RUFY2: variants seen among roughly 807,000 people sequenced by gnomAD.
RUFY2 encodes the protein RUN and FYVE domain-containing protein 2.
RUFY2 carries 49 observed loss-of-function variants against 94.4 expected under a neutral mutation model. The ratio of observed to expected loss-of-function variants is 0.52; its 90% CI spans 0.41 to 0.66. The LOEUF (loss-of-function observed/expected upper bound fraction) is 0.66. Ranked by LOEUF, RUFY2 falls within the 30% of genes least tolerant of loss-of-function variation. The probability of loss-of-function intolerance (pLI) is 0.00; values close to 1 mark genes in which losing one functional copy is unlikely to be tolerated. For synonymous variants in RUFY2, 255 were observed against 235.7 expected (o/e 1.08, Z -0.75); for missense variants, 541 against 692.8 (o/e 0.78, Z 2.46).
chr10:68,372,583 TAAA>T (rs770098226), intron 13 of RUFY2, among the ~76,000 whole-genome samples: 3 of 96,360 alleles, frequency 3.1e-5, no homozygotes, highest in African/African-American at 4.1e-5. Context: ...CCTCTCTCTT[TAAA>T]AAAAAAAAAA....
At chr10:68,377,546 GT>G in intron 12 of RUFY2, 1 of 985,326 alleles carries the variant, frequency 1.0e-6, no homozygotes, top group Non-Finnish European at 1.2e-6. Flanking sequence ...GTGCATATAT[GT>G]TTAAGATTCA....
At chr10:68,383,524 G>A (rs2049253246) in intron 10 of RUFY2, among the ~76,000 whole-genome samples, 1 of 151,730 alleles carries the variant, frequency 6.6e-6, no homozygotes, top group African/African-American at 2.4e-5. Flanking sequence ...GGAGGCTGAG[G>A]TACAAGAATC....
chr10:68,388,400 T>A (rs998835496), intron 7 of RUFY2, among the ~76,000 whole-genome samples: 2 of 151,980 alleles, frequency 1.3e-5, no homozygotes, highest in Non-Finnish European at 2.9e-5. Context: ...GAGGTGGAGG[T>A]TGCAATGAGC....
At chr10:68,363,544 A>T (rs1041495939) in intron 15 of RUFY2, 46 bp downstream of exon 15, 1 of 1,260,388 alleles carries the variant, frequency 7.9e-7, no homozygotes, top group African/African-American at 1.5e-5. Context: ...TATACCTTTT[A>T]TAAAAGTCAA....
intron 16 of RUFY2, among the ~76,000 whole-genome samples, chr10:68,350,312 A>G (rs1380834413): frequency 1.3e-5 from 2 of 152,156 alleles, no homozygotes; most frequent in African/African-American, 2.4e-5. Context: ...TGCTTGGCCT[A>G]ATCAAGGCTT....
At chr10:68,381,791 T>C (rs1017548308) in intron 10 of RUFY2, among the ~76,000 whole-genome samples, 1 of 152,202 alleles carries the variant, frequency 6.6e-6, no homozygotes, top group Non-Finnish European at 1.5e-5. Flanking sequence ...AAGGTTGCAG[T>C]GAGCTGAAAT....
intron 16 of RUFY2, 134 bp downstream of exon 16, chr10:68,355,219 G>A (rs12253473): frequency 1.7e-6 from 1 of 594,080 alleles, no homozygotes; most frequent in Non-Finnish European, 3.0e-6. Context: ...TGAACCCCCA[G>A]CATCCAAGCT....
chr10:68,405,203 C>G (rs1019081796), intron 1 of RUFY2, among the ~76,000 whole-genome samples: 8 of 151,656 alleles, frequency 5.3e-5, no homozygotes, highest in African/African-American at 1.9e-4. Flanking sequence ...GTCCCAGCTA[C>G]TCGGGAGGCT....
At chr10:68,378,000 A>G (rs1276570953) in intron 12 of RUFY2, 1 of 985,420 alleles carries the variant, frequency 1.0e-6, no homozygotes, top group African/African-American at 1.7e-5. Flanking sequence ...ATTGGACCCA[A>G]GCTTTTCTCT....
At chr10:68,361,847 C>T (rs1165473109) in intron 15 of RUFY2, among the ~76,000 whole-genome samples, 1 of 152,170 alleles carries the variant, frequency 6.6e-6, no homozygotes, top group Non-Finnish European at 1.5e-5. Context: ...GATGTTTACA[C>T]ATAGAATTGT....
intron 15 of RUFY2, among the ~76,000 whole-genome samples, chr10:68,363,337 C>T (rs532420344): frequency 5.9e-5 from 9 of 152,218 alleles, no homozygotes; most frequent in South Asian, 4.1e-4. Context: ...CCACCACAAG[C>T]AGCTAATTTT....
chr10:68,371,590 CA>C (rs574725100), intron 13 of RUFY2, among the ~76,000 whole-genome samples: 13,595 of 107,650 alleles, frequency 0.13, 858 homozygotes, highest in South Asian at 0.3. Flanking sequence ...GACTCCGCCT[CA>C]AAAAAAAAAA....
At chr10:68,375,765 G>C (rs1041071445) in intron 13 of RUFY2, among the ~76,000 whole-genome samples, 6 of 146,630 alleles carry the variant, frequency 4.1e-5, no homozygotes, top group African/African-American at 1.5e-4. Context: ...GATAGAGCGA[G>C]ACTCCATCTC....
chr10:68,386,115 T>G lies in RUFY2; in HGVS notation c.664A>C (p.Ser222Arg), dbSNP rs547548471. 1 of 1,610,880 alleles carries G rather than the reference T, an allele frequency of 6.2e-7. No individual in the cohort carries two copies. The highest frequency in any genetic ancestry group is 1.3e-5 in the African/African-American group (1 of 74,872). ...AATGAATCAACTCTTGAATGGAGGC[T>G]GCTGACTGTGCTGCTGAAATTAAGA... ...LNRQLNSTVSSLHSRVDSLEK... is the reference protein window; with the variant it reads ...LNRQLNSTVSRLHSRVDSLEK... Residue 222 changes from serine (S) to arginine (R), a missense_variant, in exon 8 of 18, where the codon AGC (serine) becomes CGC (arginine). By Grantham distance (110) the Ser-to-Arg change is moderately radical. This residue lies in a region of RUFY2 where 403 missense variants were observed against 480.7 expected (regional missense o/e 0.84). Transcript: ENST00000602465.
At chr10:68,391,564 C>T (rs1334670174) in intron 7 of RUFY2, among the ~76,000 whole-genome samples, 1 of 147,232 alleles carries the variant, frequency 6.8e-6, no homozygotes, top group Non-Finnish European at 1.5e-5. Flanking sequence ...AGGAGGACTG[C>T]TTGAGCCTGC....
chr10:68,356,696 C>T (rs1259737533), intron 15 of RUFY2, among the ~76,000 whole-genome samples: 12 of 151,486 alleles, frequency 7.9e-5, no homozygotes, highest in Non-Finnish European at 1.5e-4. Context: ...TAGAGGCACC[C>T]GCAATAACTC....
chr10:68,364,134 C>G (rs767081155), intron 13 of RUFY2, 21 bp from the exon 14 acceptor site: 1 of 1,604,282 alleles, frequency 6.2e-7, no homozygotes, highest in Non-Finnish European at 8.5e-7. Context: ...AAATAACACA[C>G]AGAAGCTCAG....
chr10:68,350,987 A>T (rs1479159126), intron 16 of RUFY2, among the ~76,000 whole-genome samples: 2 of 152,148 alleles, frequency 1.3e-5, no homozygotes, highest in Non-Finnish European at 2.9e-5. Context: ...CTGGGACTGC[A>T]GGCATGAGCC....
chr10:68,394,033 T>C (rs1462090079), intron 6 of RUFY2, 42 bp downstream of exon 6: 4 of 1,484,228 alleles, frequency 2.7e-6, no homozygotes, highest in Admixed American at 2.5e-5. Context: ...TAAAGAGCTA[T>C]ATAAAAAACC....
Sources: gnomAD v4.1 joint callset for allele counts (sites outside exome capture counted in the v4.1 genomes callset) on GRCh38, gnomAD v4.1.1 for gene constraint, gnomAD v4.1.1 regional missense constraint, MANE v1.5 for transcripts, NCBI Gene and HGNC (gene_info 2026-07-23, HGNC 2026-07-21) for gene names.